ASTN1: variants seen among roughly 807,000 people sequenced by gnomAD.
ASTN1 encodes astrotactin 1.
ASTN1 carries 41 observed loss-of-function variants against 140.7 expected under a neutral mutation model. The ratio of observed to expected loss-of-function variants is 0.29; its 90% CI spans 0.23 to 0.38. The LOEUF (loss-of-function observed/expected upper bound fraction) is 0.38. ASTN1 is among the 10% of genes least tolerant of loss of function. The pLI is 1.00. For synonymous variants in ASTN1, 640 were observed against 652.2 expected, an observed-to-expected ratio of 0.98 and a Z score of 0.29; for missense variants, 1,479 against 1,678.8, an observed-to-expected ratio of 0.88 and a Z score of 2.08.
intron 8 of ASTN1, among the ~76,000 whole-genome samples, chr1:176,987,916 C>A (rs916097363): frequency 6.6e-6 from 1 of 152,176 alleles, no homozygotes; most frequent in Non-Finnish European, 1.5e-5. Context: ...TATGTGTGAA[C>A]TCTGGACAGA....
intron 8 of ASTN1, among the ~76,000 whole-genome samples, chr1:176,994,644 A>T (rs1674354177): frequency 6.6e-6 from 1 of 152,120 alleles, no homozygotes; most frequent in African/African-American, 2.4e-5. Context: ...TGCCCTGTCA[A>T]GGATTTTGCC....
chr1:176,938,422 G>A (rs1341261518), intron 14 of ASTN1, among the ~76,000 whole-genome samples: 1 of 152,086 alleles, frequency 6.6e-6, no homozygotes, highest in Non-Finnish European at 1.5e-5. Flanking sequence ...AAATTATTAG[G>A]CAAAGCCACC....
At chr1:177,018,192 G>C (rs991199240) in intron 7 of ASTN1, among the ~76,000 whole-genome samples, 1 of 152,186 alleles carries the variant, frequency 6.6e-6, no homozygotes, top group African/African-American at 2.4e-5. Context: ...TCTGGGAAGG[G>C]AGTCAGAGGG....
At chr1:177,056,562 CATATATATAT>C (rs146444597) in intron 2 of ASTN1, among the ~76,000 whole-genome samples, 1 of 136,318 alleles carries the variant, frequency 7.3e-6, no homozygotes, top group Non-Finnish European at 1.6e-5. Context: ...AGAAAAATTT[CATATATATAT>C]ATATATATAT....
chr1:177,026,756 T>C (rs1216735508), intron 5 of ASTN1, among the ~76,000 whole-genome samples: 1 of 152,208 alleles, frequency 6.6e-6, no homozygotes, highest in South Asian at 2.1e-4. Flanking sequence ...TCTCTCATTT[T>C]GTGTCCAAAA....
In ASTN1 at chr1:177,032,529, A is replaced by T; in HGVS notation, c.792T>A (p.Phe264Leu). ...CGAGGGTGCGCGTGACCTGGCTGGC[A>T]AAGTCCTCCCCTCCGTTCATGCACT... is the stretch of plus-strand genomic sequence containing the variant. The part of the protein sequence containing the change: ...QRECMNGGED[F>L]ASQVTRTLDS... The change falls in exon 3 of 23, where the codon TTT becomes TTA. Residue 264 changes from phenylalanine (F) to leucine (L), a missense_variant. Transcript: ENST00000361833. 1 of 1,614,114 alleles carries T rather than the reference A, an allele frequency of 6.2e-7. No homozygotes were observed. The highest frequency in any genetic ancestry group is 8.5e-7 in the Non-Finnish European group (1 of 1,180,016).
At chr1:177,025,109 T>A (rs1390665939) in intron 5 of ASTN1, among the ~76,000 whole-genome samples, 1 of 152,180 alleles carries the variant, frequency 6.6e-6, no homozygotes, top group Non-Finnish European at 1.5e-5. Flanking sequence ...ATACCTCCCA[T>A]CGCTCTTCAC....
intron 21 of ASTN1, among the ~76,000 whole-genome samples, chr1:176,873,782 G>T (rs1668451669): frequency 1.3e-5 from 2 of 152,088 alleles, no homozygotes; most frequent in Non-Finnish European, 2.9e-5. Context: ...ACACTAAATT[G>T]GCTCTTCTGC....
At chr1:176,900,173 G>C (rs1394268736) in intron 16 of ASTN1, among the ~76,000 whole-genome samples, 4 of 152,124 alleles carry the variant, frequency 2.6e-5, no homozygotes, top group African/African-American at 9.7e-5. Context: ...ACATCAAACA[G>C]TAAAGAAGAA....
At chr1:177,013,136 C>T (rs1172476554) in intron 8 of ASTN1, among the ~76,000 whole-genome samples, 1 of 152,134 alleles carries the variant, frequency 6.6e-6, no homozygotes, top group Non-Finnish European at 1.5e-5. Flanking sequence ...TAACAGGCTG[C>T]CTCATATGTA....
At chr1:176,967,853 C>T (rs918516428) in intron 8 of ASTN1, among the ~76,000 whole-genome samples, 5 of 151,542 alleles carry the variant, frequency 3.3e-5, no homozygotes, top group Non-Finnish European at 7.4e-5. Flanking sequence ...AGGAGTGCAG[C>T]GTAGACCCCA....
chr1:176,938,117 T>C (rs1671525945), intron 14 of ASTN1, among the ~76,000 whole-genome samples: 1 of 152,226 alleles, frequency 6.6e-6, no homozygotes, highest in Non-Finnish European at 1.5e-5. Flanking sequence ...TTCTTTTCTT[T>C]CAAATATTCT....
chr1:176,997,904 T>A (rs1306347106), intron 8 of ASTN1, among the ~76,000 whole-genome samples: 3 of 151,958 alleles, frequency 2.0e-5, no homozygotes, highest in African/African-American at 7.3e-5. Context: ...GGTAGGGTAT[T>A]AAAGGGAAGG....
chr1:176,958,540 G>C, intron 9 of ASTN1, 58 bp from the exon 10 acceptor site: 1 of 1,521,926 alleles, frequency 6.6e-7, no homozygotes. Context: ...CTCACCACTG[G>C]GGGATCTAGC....
chr1:176,960,391 G>A (rs1034392655), intron 9 of ASTN1, among the ~76,000 whole-genome samples: 1 of 152,142 alleles, frequency 6.6e-6, no homozygotes, highest in African/African-American at 2.4e-5. Context: ...TACAATATCT[G>A]CATTGATGCA....
intron 20 of ASTN1, among the ~76,000 whole-genome samples, chr1:176,882,255 C>G (rs935572003): frequency 6.6e-6 from 1 of 152,240 alleles, no homozygotes; most frequent in Non-Finnish European, 1.5e-5. Flanking sequence ...AGCTAGCTAG[C>G]TTTCTAAAGC....
At chr1:176,985,047 G>C (rs1673820361) in intron 8 of ASTN1, among the ~76,000 whole-genome samples, 2 of 152,162 alleles carry the variant, frequency 1.3e-5, no homozygotes, top group African/African-American at 2.4e-5. Context: ...AAGCAACTTT[G>C]TGCCTTCATG....
At chr1:176,924,576 G>T (rs542928060) in intron 16 of ASTN1, among the ~76,000 whole-genome samples, 1 of 152,174 alleles carries the variant, frequency 6.6e-6, no homozygotes, top group East Asian at 1.9e-4. Flanking sequence ...AGAAAAGCAG[G>T]AAAATTTTTT....
chr1:176,893,118 C>T (rs1033593032), intron 17 of ASTN1, among the ~76,000 whole-genome samples: 26 of 152,180 alleles, frequency 1.7e-4, no homozygotes, highest in African/African-American at 4.6e-4. Context: ...AAAGAAAGCA[C>T]GATGTACTCT....
Sources: allele counts gnomAD v4.1 joint callset (sites outside exome capture counted in the v4.1 genomes callset), GRCh38; gene constraint gnomAD v4.1.1; transcripts MANE v1.5; gene names NCBI Gene and HGNC (gene_info 2026-07-23, HGNC 2026-07-21).